The following CDH12 variants were observed in gnomAD, a reference collection of about 807,000 sequenced individuals.
The protein encoded by CDH12 is cadherin-12.
In CDH12, 41 loss-of-function variants were observed where a neutral mutation model predicts 74.1. The ratio of observed to expected loss-of-function variants is 0.55; its 90% confidence interval spans 0.43 to 0.72. The LOEUF is 0.72. Ranked by LOEUF, CDH12 falls within the 30% of genes least tolerant of loss-of-function variation. The probability of loss-of-function intolerance (pLI) is 0.00; values close to 1 mark genes in which losing one functional copy is unlikely to be tolerated. For synonymous variants in CDH12, 399 were observed against 355.0 expected, an observed-to-expected ratio of 1.12 and a Z score of -1.39; for missense variants, 945 against 977.2, an observed-to-expected ratio of 0.97 and a Z score of 0.44.
At chr5:21,800,408 T>A (rs1280669723) in intron 10 of CDH12, among the ~76,000 whole-genome samples, 2 of 152,096 alleles carry the variant, frequency 1.3e-5, no homozygotes, top group Non-Finnish European at 2.9e-5. Flanking sequence ...TAAACCTCAA[T>A]GTGATAGTAT....
At chr5:22,245,795 A>C (rs1251182362) in intron 3 of CDH12, among the ~76,000 whole-genome samples, 1 of 152,154 alleles carries the variant, frequency 6.6e-6, no homozygotes, top group Non-Finnish European at 1.5e-5. Flanking sequence ...TAACAAGTGC[A>C]AGTGCATATG....
At chr5:22,355,824 C>T (rs74425161) in intron 3 of CDH12, among the ~76,000 whole-genome samples, 3,342 of 152,176 alleles carry the variant, frequency 0.022, 64 homozygotes, top group African/African-American at 0.051. Flanking sequence ...CTGAAACACA[C>T]ACATGCACAA....
chr5:22,622,649 A>G (rs934774141), intron 1 of CDH12, among the ~76,000 whole-genome samples: 2 of 152,050 alleles, frequency 1.3e-5, no homozygotes, highest in Non-Finnish European at 2.9e-5. Flanking sequence ...GAATAGACCA[A>G]TAACAGGCTC....
intron 4 of CDH12, among the ~76,000 whole-genome samples, chr5:22,109,790 A>G (rs1434000272): frequency 6.6e-6 from 1 of 152,194 alleles, no homozygotes; most frequent in Non-Finnish European, 1.5e-5. Context: ...TTCTGTCCTC[A>G]TAGAGTCCCA....
chr5:21,846,872 T>A (rs1750200718), intron 7 of CDH12, among the ~76,000 whole-genome samples: 1 of 152,146 alleles, frequency 6.6e-6, no homozygotes, highest in African/African-American at 2.4e-5. Context: ...GTAGACAGCA[T>A]ATGACAAAAA....
At chr5:22,389,318 A>G (rs1162907013) in intron 3 of CDH12, among the ~76,000 whole-genome samples, 1 of 152,188 alleles carries the variant, frequency 6.6e-6, no homozygotes, top group Non-Finnish European at 1.5e-5. Context: ...TCAAGTAAGA[A>G]TAAAAAGACC....
rs543335051 is a variant in CDH12 at position 22,556,431 on chromosome 5, G to A, written c.-522-51067C>T. On this transcript the variant is annotated intron_variant, in intron 1 of 14. Transcript: ENST00000382254. Reference sequence around the variant, plus strand: ...AACGTGAGAAAAGTTAGTGACTTCAGGCACAAATGAAAATATTTTCTCAAG... The same window carrying A: ...AACGTGAGAAAAGTTAGTGACTTCAAGCACAAATGAAAATATTTTCTCAAG... 3.3e-5 allele frequency among the ~76,000 whole-genome samples: 5 copies of A among 152,082 alleles called. No individual in the cohort carries two copies. The South Asian group carries it at 1.0e-3, about 32-fold the overall frequency.
chr5:22,470,207 T>C (rs1745899391), intron 2 of CDH12, among the ~76,000 whole-genome samples: 1 of 152,150 alleles, frequency 6.6e-6, no homozygotes. Context: ...TCTTACTTTA[T>C]AAGCAAACAT....
chr5:22,782,211 T>G (rs909943883), intron 1 of CDH12, among the ~76,000 whole-genome samples: 1 of 152,072 alleles, frequency 6.6e-6, no homozygotes, highest in African/African-American at 2.4e-5. Context: ...CTTTGAAATG[T>G]GAAAAGAACA....
At chr5:22,427,263 G>A (rs2126511712) in intron 2 of CDH12, among the ~76,000 whole-genome samples, 1 of 152,238 alleles carries the variant, frequency 6.6e-6, no homozygotes, top group African/African-American at 2.4e-5. Context: ...CGCCTCCTGG[G>A]TTCAAGCTAT....
At chr5:22,241,470 G>C (rs1337965131) in intron 3 of CDH12, among the ~76,000 whole-genome samples, 1 of 151,684 alleles carries the variant, frequency 6.6e-6, no homozygotes, top group Non-Finnish European at 1.5e-5. Context: ...TTTTATTCTT[G>C]AATTAGATTA....
chr5:22,348,504 G>C (rs1314928331), intron 3 of CDH12, among the ~76,000 whole-genome samples: 1 of 152,160 alleles, frequency 6.6e-6, no homozygotes, highest in Non-Finnish European at 1.5e-5. Context: ...AAGAAAACTA[G>C]ATAGTGTTGT....
intron 5 of CDH12, among the ~76,000 whole-genome samples, chr5:22,034,256 G>A (rs1371247555): frequency 6.6e-6 from 1 of 152,190 alleles, no homozygotes; most frequent in Non-Finnish European, 1.5e-5. Flanking sequence ...GCTGGTATCA[G>A]ACTGCTGGCA....
intron 13 of CDH12, 74 bp from the exon 14 acceptor site, chr5:21,755,916 A>G: frequency 1.4e-6 from 2 of 1,385,170 alleles, no homozygotes; most frequent in Non-Finnish European, 2.0e-6. Flanking sequence ...GTATCTGCTC[A>G]ATAGTAAGAA....
intron 6 of CDH12, chr5:21,883,661 C>T: frequency 4.3e-6 from 7 of 1,612,096 alleles, no homozygotes; most frequent in Non-Finnish European, 5.9e-6. Context: ...ATGCCATGCT[C>T]TTAAAAGGAA....
At chr5:22,356,541 A>C (rs1268692660) in intron 3 of CDH12, among the ~76,000 whole-genome samples, 5 of 152,118 alleles carry the variant, frequency 3.3e-5, no homozygotes, top group African/African-American at 1.2e-4. Context: ...TAATTCCCAA[A>C]GTGATTAATT....
rs1561168560 is a variant in CDH12 at position 22,153,889 on chromosome 5, A to ATGTATATAT, written c.-187+58608_-187+58609insATATATACA. Among the ~76,000 whole-genome samples the ATGTATATAT allele has an allele frequency of 4.0e-3, 168 of 42,058 alleles. No individual in the cohort carries two copies. The East Asian group carries it at 0.047, about 12-fold the overall frequency. The allele number at this position is 42,058 out of a possible 152,430, so 27.6% of individuals were successfully genotyped here. A position where few individuals can be genotyped will look rare whatever the true frequency, so the allele number is the denominator to read the frequency against. The stretch of plus-strand genomic sequence containing the variant: ...ATATATATGTATATATATATATATA[A>ATGTATATAT]ATATATATATATATACACACACATA... On this transcript the variant is annotated intron_variant, in intron 4 of 14. Transcript: ENST00000382254.
At chr5:22,371,350 A>C (rs1741280208) in intron 3 of CDH12, among the ~76,000 whole-genome samples, 1 of 152,180 alleles carries the variant, frequency 6.6e-6, no homozygotes, top group South Asian at 2.1e-4. Flanking sequence ...GCAAAGAAAA[A>C]TTACATTAAT....
intron 1 of CDH12, among the ~76,000 whole-genome samples, chr5:22,742,743 T>C (rs1745090013): frequency 6.7e-6 from 1 of 149,776 alleles, no homozygotes. Context: ...TATTTTACTA[T>C]GTTATATATT....
Sources: gnomAD v4.1 joint callset for allele counts (sites outside exome capture counted in the v4.1 genomes callset) on GRCh38, gnomAD v4.1.1 for gene constraint, MANE v1.5 for transcripts, NCBI Gene and HGNC (gene_info 2026-07-23, HGNC 2026-07-21) for gene names.